The following TAF4 variants were observed in gnomAD, a reference collection of about 807,000 sequenced individuals.
The protein encoded by TAF4 is TATA-box binding protein associated factor 4, also known as transcription initiation factor TFIID subunit 4.
A neutral mutation model predicts 90.3 loss-of-function variants in TAF4; 9 were observed. The ratio of observed to expected loss-of-function variants is 0.10; its 90% confidence interval spans 0.06 to 0.17. The LOEUF is 0.17. Ranked by LOEUF, TAF4 falls within the 10% of genes least tolerant of loss-of-function variation. TAF4 has a pLI of 1.00. For missense variants in TAF4, 1,351 were observed against 1,370.7 expected (o/e 0.99, Z 0.23); for synonymous variants, 818 against 638.9 (o/e 1.28, Z -4.23).
intron 1 of TAF4, among the ~76,000 whole-genome samples, chr20:62,041,257 G>T (rs2145502860): frequency 6.6e-6 from 1 of 152,218 alleles, no homozygotes; most frequent in South Asian, 2.1e-4. Context: ...CTTACAAGGG[G>T]GACATTTTAT....
chr20:62,048,964 C>T (rs1600861209), intron 1 of TAF4, among the ~76,000 whole-genome samples: 1 of 147,038 alleles, frequency 6.8e-6, no homozygotes, highest in East Asian at 2.0e-4. Flanking sequence ...ATGCCCACCT[C>T]GGTCACCGGG....
chr20:62,059,642 C>T (rs1361912443), intron 1 of TAF4, among the ~76,000 whole-genome samples: 4 of 152,198 alleles, frequency 2.6e-5, no homozygotes, highest in African/African-American at 7.2e-5. Context: ...CTATCAAAGG[C>T]CTGATTAAGT....
In TAF4 at chr20:61,974,880, G is replaced by C. The variant is rs1483188895; in HGVS notation, c.*1288C>G. The stretch of plus-strand genomic sequence containing the variant: ...AATAGCAATTAAAAACTTCATTTCT[G>C]AAAGTAAAATATTTACATATGAACA... On this transcript the variant is annotated 3_prime_UTR_variant, in exon 15 of 15. Transcript: ENST00000252996. The surrounding 1 kb of genome is among the most constrained non-coding windows in gnomAD (Gnocchi z 4.1). 4.6e-5 allele frequency: 7 copies of C among 152,294 alleles called. No individual in the cohort carries two copies. The highest frequency in any genetic ancestry group is 1.4e-4 in the African/African-American group (6 of 41,418). 9.4% of individuals were successfully genotyped at this position (152,294 alleles called of 1,614,324 possible).
intron 9 of TAF4, among the ~76,000 whole-genome samples, chr20:62,001,884 C>T (rs138657376): frequency 4.6e-5 from 7 of 152,256 alleles, no homozygotes; most frequent in South Asian, 2.1e-4. Flanking sequence ...TAGTGGAAAA[C>T]GGTTTTTAGA....
Position 62,032,531 on chromosome 20 carries a change from C to T in TAF4, c.1361-17824G>A, listed in dbSNP as rs1229322637. ...GCAGAGGATGGGCTTCCAGAAGGCCCGGTGGCCCACCAGGGCCTCGGCTCT... is the reference window on the plus strand; with the variant it reads ...GCAGAGGATGGGCTTCCAGAAGGCCTGGTGGCCCACCAGGGCCTCGGCTCT... On this transcript the variant is annotated intron_variant, in intron 1 of 14. Transcript: ENST00000252996. Among the ~76,000 whole-genome samples, 5 of 152,348 alleles carry T rather than the reference C, an allele frequency of 3.3e-5. No homozygotes were observed. The South Asian group carries it at 6.2e-4, about 19-fold the overall frequency.
intron 1 of TAF4, among the ~76,000 whole-genome samples, chr20:62,054,781 C>T (rs1045395915): frequency 6.6e-6 from 1 of 152,144 alleles, no homozygotes; most frequent in Non-Finnish European, 1.5e-5. Flanking sequence ...TTCTAGTCTA[C>T]TCTACAGGCT....
chr20:62,027,535 T>C (rs770435231), intron 1 of TAF4, among the ~76,000 whole-genome samples: 10 of 152,218 alleles, frequency 6.6e-5, no homozygotes, highest in Non-Finnish European at 1.3e-4. Flanking sequence ...ACAGGTGTGC[T>C]GTGCCTACCC....
chr20:62,030,529 G>A (rs764648412), intron 1 of TAF4, among the ~76,000 whole-genome samples: 11 of 152,166 alleles, frequency 7.2e-5, no homozygotes, highest in Admixed American at 2.0e-4. Context: ...ACCCCACTGC[G>A]GCCTGTCGTG....
chr20:62,039,063 A>G (rs2055949610), intron 1 of TAF4, among the ~76,000 whole-genome samples: 1 of 152,200 alleles, frequency 6.6e-6, no homozygotes, highest in Non-Finnish European at 1.5e-5. Context: ...GTCTCAAAAC[A>G]AACAAAAAGC....
intron 1 of TAF4, among the ~76,000 whole-genome samples, chr20:62,035,334 G>T (rs1448141065): frequency 6.6e-6 from 1 of 152,204 alleles, no homozygotes; most frequent in Non-Finnish European, 1.5e-5. Context: ...ATTATTTAAG[G>T]ACAGGATGCT....
chr20:61,980,399 G>A (rs1481874248), intron 14 of TAF4: 1 of 152,268 alleles, frequency 6.6e-6, no homozygotes, highest in Admixed American at 6.5e-5. Flanking sequence ...CCGCCACGGA[G>A]CCCCAGCCGA....
intron 1 of TAF4, among the ~76,000 whole-genome samples, chr20:62,021,613 T>G (rs1423765978): frequency 6.6e-6 from 1 of 152,228 alleles, no homozygotes; most frequent in African/African-American, 2.4e-5. Context: ...AGACGGTCGC[T>G]AGCTGACACT....
chr20:61,991,981 A>G (rs2055634504), intron 14 of TAF4, among the ~76,000 whole-genome samples: 1 of 152,194 alleles, frequency 6.6e-6, no homozygotes, highest in South Asian at 2.1e-4. Flanking sequence ...AACATCCTTA[A>G]GACACTTCAG....
At chr20:62,021,439 T>TCTA (rs2055842473) in intron 1 of TAF4, among the ~76,000 whole-genome samples, 1 of 152,204 alleles carries the variant, frequency 6.6e-6, no homozygotes. Flanking sequence ...CCACAGCCCT[T>TCTA]CTAGCTGCTG....
chr20:62,044,929 G>C (rs774957840), intron 1 of TAF4, among the ~76,000 whole-genome samples: 1 of 152,156 alleles, frequency 6.6e-6, no homozygotes, highest in Non-Finnish European at 1.5e-5. Flanking sequence ...AGGATGGAGC[G>C]AAGGCCAGGA....
At chr20:62,017,964 G>A (rs953475572) in intron 1 of TAF4, among the ~76,000 whole-genome samples, 1 of 152,092 alleles carries the variant, frequency 6.6e-6, no homozygotes, top group Non-Finnish European at 1.5e-5. Context: ...TCACAGAAGT[G>A]TAGGGAAACA....
chr20:62,041,489 C>T (rs1311460033), intron 1 of TAF4, among the ~76,000 whole-genome samples: 2 of 151,998 alleles, frequency 1.3e-5, no homozygotes, highest in Non-Finnish European at 2.9e-5. Context: ...ATCAGCCAGG[C>T]GTGGTAGCAT....
At chr20:62,001,835 C>G (rs2055706309) in intron 9 of TAF4, among the ~76,000 whole-genome samples, 1 of 89,802 alleles carries the variant, frequency 1.1e-5, no homozygotes, top group Admixed American at 1.0e-4. Context: ...TTATCCCAGT[C>G]CCGCAATCAG....
chr20:62,015,860 GT>G (rs2055809335), intron 1 of TAF4, among the ~76,000 whole-genome samples: 1 of 152,200 alleles, frequency 6.6e-6, no homozygotes, highest in African/African-American at 2.4e-5. Context: ...AAGAATAATG[GT>G]GATGCCTCTC....
Sources: allele counts gnomAD v4.1 joint callset (sites outside exome capture counted in the v4.1 genomes callset), GRCh38; gene constraint gnomAD v4.1.1; non-coding constraint Gnocchi (gnomAD v3.1); transcripts MANE v1.5; gene names NCBI Gene and HGNC (gene_info 2026-07-23, HGNC 2026-07-21).